Variants in GRID1 observed in about 807,000 individuals in gnomAD.
GRID1 encodes the protein glutamate receptor ionotropic, delta-1.
Under a neutral mutation model 98.0 loss-of-function variants are expected in GRID1, and 28 were observed. The ratio of observed to expected loss-of-function variants is 0.29; its 90% CI spans 0.21 to 0.39. GRID1 has a LOEUF of 0.39. GRID1 is among the 10% of genes least tolerant of loss of function. The pLI, the probability that GRID1 is intolerant of heterozygous loss-of-function variation, is 1.00. For missense variants in GRID1, 1,111 were observed against 1,340.5 expected, an observed-to-expected ratio of 0.83 and a Z score of 2.67; for synonymous variants, 553 against 538.5, an observed-to-expected ratio of 1.03 and a Z score of -0.37.
At chr10:86,359,333 G>A (rs1267447519) in intron 2 of GRID1, among the ~76,000 whole-genome samples, 4 of 152,164 alleles carry the variant, frequency 2.6e-5, no homozygotes, top group South Asian at 2.1e-4. Flanking sequence ...CGAAGATGCC[G>A]GAAGCCATCA....
At chr10:86,272,465 C>T (rs1190223415) in intron 2 of GRID1, among the ~76,000 whole-genome samples, 1 of 152,152 alleles carries the variant, frequency 6.6e-6, no homozygotes, top group Non-Finnish European at 1.5e-5. Context: ...AGTGCCATCC[C>T]ATGTTCCCAA....
At chr10:86,254,811 C>T (rs1846892619) in intron 2 of GRID1, among the ~76,000 whole-genome samples, 1 of 152,266 alleles carries the variant, frequency 6.6e-6, no homozygotes. Flanking sequence ...GACAAGAGTT[C>T]CTGCAAGCGA....
intron 8 of GRID1, among the ~76,000 whole-genome samples, chr10:85,817,729 T>TA (rs1842728612): frequency 6.6e-6 from 1 of 151,690 alleles, no homozygotes; most frequent in Non-Finnish European, 1.5e-5. Flanking sequence ...CCATCTCTAC[T>TA]AAAAATACAA....
In GRID1 at chr10:86,113,355, C is replaced by T. The variant is rs868245418; in HGVS notation, c.726+25464G>A. Among the ~76,000 whole-genome samples, 4 of 152,330 alleles carry T rather than the reference C, an allele frequency of 2.6e-5. No individual in the cohort carries two copies. In the Middle Eastern group the frequency reaches 0.014, roughly 522 times the overall value. ...AGCTCAAGCCACACAGGCATTCTCT[C>T]TCTGTTCCTCTAACAGGCCAGCTTT... On this transcript the variant is annotated intron_variant, in intron 4 of 15. Coordinates refer to ENST00000327946, the MANE Select transcript of GRID1 (RefSeq NM_017551.3).
chr10:86,046,762 C>T (rs1381861302), intron 4 of GRID1, among the ~76,000 whole-genome samples: 3 of 151,688 alleles, frequency 2.0e-5, no homozygotes, highest in African/African-American at 7.3e-5. Flanking sequence ...ACAATTATCC[C>T]TACAAAACTC....
At chr10:85,782,551 A>G (rs1348042766) in intron 8 of GRID1, among the ~76,000 whole-genome samples, 1 of 152,258 alleles carries the variant, frequency 6.6e-6, no homozygotes, top group Non-Finnish European at 1.5e-5. Flanking sequence ...GGGAAGTGTT[A>G]GAGTTGAAAT....
At position 86,042,588 on chromosome 10, in the gene GRID1, A is replaced by T. The variant is rs560059266; in HGVS notation, c.726+96231T>A. On this transcript the variant is annotated intron_variant, in intron 4 of 15. Coordinates refer to ENST00000327946, the MANE Select transcript of GRID1 (RefSeq NM_017551.3). ...TAGCAGGGGGTATTGTAACACCCAA[A>T]CTGTAGGCTAACAGCAAACTCAAGA... Among the ~76,000 whole-genome samples the T allele has an allele frequency of 1.3e-3, 204 of 152,266 alleles. 1 individual carries two copies. Among genetic ancestry groups the T allele is most frequent in the Non-Finnish European group, 1.9e-3 (128 of 68,018 alleles).
chr10:85,732,333 T>C (rs1375164254), intron 8 of GRID1, among the ~76,000 whole-genome samples: 1 of 152,172 alleles, frequency 6.6e-6, no homozygotes, highest in Non-Finnish European at 1.5e-5. Context: ...AGGCACTCAA[T>C]ACTCTTATCC....
intron 5 of GRID1, among the ~76,000 whole-genome samples, chr10:85,879,456 G>T (rs1840965045): frequency 6.6e-6 from 1 of 152,150 alleles, no homozygotes; most frequent in South Asian, 2.1e-4. Flanking sequence ...TAGAACTCAG[G>T]ATTAAGAAAC....
At chr10:85,613,706 G>A (rs1842759119) in intron 14 of GRID1, 59 bp from the exon 15 acceptor site, 2 of 1,569,236 alleles carry the variant, frequency 1.3e-6, no homozygotes, top group East Asian at 2.3e-5. Flanking sequence ...AGCCACCGGG[G>A]CCCTGGCCCC....
chr10:85,987,061 T>C (rs1015755976), intron 4 of GRID1, among the ~76,000 whole-genome samples: 27 of 152,054 alleles, frequency 1.8e-4, no homozygotes, highest in African/African-American at 6.3e-4. Flanking sequence ...AGGACCAGAC[T>C]GAAGGCTGAA....
chr10:86,127,943 G>GCATT, intron 4 of GRID1, among the ~76,000 whole-genome samples: 2 of 152,162 alleles, frequency 1.3e-5, no homozygotes, highest in Non-Finnish European at 2.9e-5. Flanking sequence ...CCTCTCAAGA[G>GCATT]CATTCCCTCA....
At position 85,966,989 on chromosome 10, in the gene GRID1, C is replaced by G. The variant is rs12412300; in HGVS notation, c.727-50750G>C. ...GGCAGGGACAGGTGGAGATAATTGA[C>G]TACTGGGAGCAGTTTTCCCCATACT... On this transcript the variant is annotated intron_variant, in intron 4 of 15. Coordinates refer to ENST00000327946, the MANE Select transcript of GRID1 (RefSeq NM_017551.3). Among the ~76,000 whole-genome samples, 319 of 152,298 alleles carry G rather than the reference C, an allele frequency of 2.1e-3. 8 individuals carry two copies. The highest frequency in any genetic ancestry group is 0.018 in the Admixed American group (268 of 15,300).
chr10:86,297,679 T>C (rs1215476625), intron 2 of GRID1, among the ~76,000 whole-genome samples: 1 of 152,216 alleles, frequency 6.6e-6, no homozygotes, highest in Non-Finnish European at 1.5e-5. Context: ...AAATAGTCTA[T>C]GAAACACATT....
chr10:85,732,934 G>C (rs1841841732), intron 8 of GRID1, among the ~76,000 whole-genome samples: 1 of 151,972 alleles, frequency 6.6e-6, no homozygotes. Context: ...CCTGATATTT[G>C]TATCTAGTTT....
At chr10:85,731,917 GAA>G (rs1841829931) in intron 8 of GRID1, among the ~76,000 whole-genome samples, 1 of 119,802 alleles carries the variant, frequency 8.3e-6, no homozygotes, top group African/African-American at 4.0e-5. Flanking sequence ...GAAAGAGAAA[GAA>G]AGAAAGAGAG....
chr10:85,604,465 T>C (rs2175199), intron 15 of GRID1, among the ~76,000 whole-genome samples: 99,915 of 151,930 alleles, frequency 0.66, 33,938 homozygotes, highest in African/African-American at 0.85. Context: ...AGTCACAACT[T>C]CAGTGATCTG....
intron 8 of GRID1, among the ~76,000 whole-genome samples, chr10:85,750,625 T>A (rs546994516): frequency 6.6e-5 from 10 of 152,268 alleles, no homozygotes; most frequent in Admixed American, 3.3e-4. Flanking sequence ...TATCTAGAAA[T>A]GAGCACAATG....
At chr10:86,053,606 G>A (rs142393829) in intron 4 of GRID1, among the ~76,000 whole-genome samples, 3,455 of 152,110 alleles carry the variant, frequency 0.023, 68 homozygotes, top group East Asian at 0.067. Context: ...CGCCCGCCTC[G>A]GCCTCCCAAA....
Sources: allele counts gnomAD v4.1 joint callset (sites outside exome capture counted in the v4.1 genomes callset), GRCh38; gene constraint gnomAD v4.1.1; transcripts MANE v1.5; gene names NCBI Gene and HGNC (gene_info 2026-07-23, HGNC 2026-07-21).